Variants in CORO1C observed in about 807,000 individuals in gnomAD.
CORO1C encodes the protein coronin-1C.
CORO1C carries 14 observed loss-of-function variants against 51.2 expected under a neutral mutation model. That is an observed-to-expected ratio of 0.27 (90% CI 0.18 to 0.43). The LOEUF (loss-of-function observed/expected upper bound fraction) is 0.43, where lower values mean the gene tolerates loss of function less well. CORO1C is among the 20% of genes least tolerant of loss of function. The pLI, the probability that CORO1C is intolerant of heterozygous loss-of-function variation, is 1.00. For missense variants in CORO1C, 417 were observed against 607.8 expected (o/e 0.69, Z 3.30); for synonymous variants, 181 against 210.5 (o/e 0.86, Z 1.21).
At chr12:108,652,447 T>C (rs201435259) in intron 7 of CORO1C, 30 bp from the exon 8 acceptor site, 38 of 1,598,244 alleles carry the variant, frequency 2.4e-5, no homozygotes, top group Non-Finnish European at 3.3e-5. Flanking sequence ...AGTCTGTGTC[T>C]GATTGTTAAC....
Position 108,701,274 on chromosome 12 carries a change from C to T in CORO1C, c.45G>A (p.Gly15=), listed in dbSNP as rs2034860804. The change falls in exon 2 of 11, where the codon GGG becomes GGA. Residue 15 remains glycine (G), a synonymous_variant. Coordinates refer to ENST00000261401, the MANE Select transcript of CORO1C (RefSeq NM_014325.4). ...AGCACTGGTCATTTTTCACCGCTTG[C>T]CCAAATACATGCCGAAACTTGCTCT... The part of the protein sequence containing the change: ...VRQSKFRHVF[G]QAVKNDQCYD... 1 of 1,614,042 alleles carries T rather than the reference C, an allele frequency of 6.2e-7. No individual in the cohort carries two copies. The highest frequency in any genetic ancestry group is 1.3e-5 in the African/African-American group (1 of 74,912).
At chr12:108,728,545 G>A (rs946296438) in intron 1 of CORO1C, among the ~76,000 whole-genome samples, 51 of 152,098 alleles carry the variant, frequency 3.4e-4, no homozygotes, top group African/African-American at 1.2e-3. Context: ...ACAACTCTGT[G>A]AATATACCAA....
At chr12:108,668,974 G>A (rs1486900413) in intron 3 of CORO1C, among the ~76,000 whole-genome samples, 2 of 152,194 alleles carry the variant, frequency 1.3e-5, no homozygotes. Flanking sequence ...CCAAAACTCT[G>A]CAAAGCTAGG....
chr12:108,698,522 T>TCAG (rs1240196268), intron 2 of CORO1C, among the ~76,000 whole-genome samples: 3 of 152,252 alleles, frequency 2.0e-5, no homozygotes, highest in Non-Finnish European at 4.4e-5. Context: ...TTCTCCTGCC[T>TCAG]CAGCCTCCTG....
chr12:108,697,440 C>G (rs1276670803), intron 2 of CORO1C, among the ~76,000 whole-genome samples: 1 of 152,206 alleles, frequency 6.6e-6, no homozygotes, highest in Non-Finnish European at 1.5e-5. Context: ...TGGAGCCTAA[C>G]ACACATCTAA....
At chr12:108,699,118 C>T (rs548810881) in intron 2 of CORO1C, among the ~76,000 whole-genome samples, 1 of 152,318 alleles carries the variant, frequency 6.6e-6, no homozygotes, top group East Asian at 1.9e-4. Flanking sequence ...CTAAACATGA[C>T]AATTTGTAAA....
At chr12:108,688,389 G>T (rs1348168894) in intron 2 of CORO1C, among the ~76,000 whole-genome samples, 1 of 152,196 alleles carries the variant, frequency 6.6e-6, no homozygotes, top group Non-Finnish European at 1.5e-5. Context: ...GTGCTGGGGT[G>T]TGTTTTTAAA....
chr12:108,682,729 ATACAT>A (rs2034166951), intron 2 of CORO1C, among the ~76,000 whole-genome samples: 1 of 152,202 alleles, frequency 6.6e-6, no homozygotes, highest in South Asian at 2.1e-4. Context: ...TTTTTCAAAC[ATACAT>A]TAAACATTAA....
In CORO1C at chr12:108,652,302, C is replaced by G; in HGVS notation, c.971G>C (p.Gly324Ala). ...AATCTCACATTTGTTAACATCAAGTCCCCTCTTGGGCATGTAACCCATCCC... is the reference window on the plus strand; with the variant it reads ...AATCTCACATTTGTTAACATCAAGTGCCCTCTTGGGCATGTAACCCATCCC... The part of the protein sequence containing the change: ...QRGMGYMPKR[G>A]LDVNKCEIAR... The change falls in exon 8 of 11, where the codon GGA becomes GCA. Residue 324 changes from glycine (G) to alanine (A), a missense_variant. By Grantham distance (60) the Gly-to-Ala change is moderately conservative. Transcript: ENST00000261401. 1 of 1,613,982 alleles carries G rather than the reference C, an allele frequency of 6.2e-7. No homozygotes were observed. The highest frequency in any genetic ancestry group is 1.6e-4 in the Middle Eastern group (1 of 6,062).
intron 2 of CORO1C, among the ~76,000 whole-genome samples, chr12:108,693,794 A>G (rs1411961029): frequency 6.6e-6 from 1 of 152,152 alleles, no homozygotes; most frequent in Non-Finnish European, 1.5e-5. Context: ...TAACAGTTTA[A>G]AAGTTGGGTT....
chr12:108,697,393 G>C (rs887924282), intron 2 of CORO1C, among the ~76,000 whole-genome samples: 1 of 152,172 alleles, frequency 6.6e-6, no homozygotes, highest in Non-Finnish European at 1.5e-5. Flanking sequence ...TTTAAGGTTC[G>C]TGTTTAAAAT....
intron 1 of CORO1C, chr12:108,702,867 C>T: frequency 6.5e-7 from 1 of 1,535,704 alleles, no homozygotes; most frequent in Non-Finnish European, 8.7e-7. Context: ...AGTAAGAGAC[C>T]CTTGGCAGGC....
At chr12:108,698,767 G>A (rs981145645) in intron 2 of CORO1C, among the ~76,000 whole-genome samples, 1 of 152,206 alleles carries the variant, frequency 6.6e-6, no homozygotes, top group Non-Finnish European at 1.5e-5. Flanking sequence ...GGAGCGGAAG[G>A]ATAAAGAGAC....
At chr12:108,684,970 A>C (rs1389770846) in intron 2 of CORO1C, among the ~76,000 whole-genome samples, 2 of 152,156 alleles carry the variant, frequency 1.3e-5, no homozygotes, top group African/African-American at 4.8e-5. Context: ...AGGAAACCAC[A>C]TTTGGCATCC....
chr12:108,683,808 G>GT (rs2034207008), intron 2 of CORO1C, among the ~76,000 whole-genome samples: 4 of 150,176 alleles, frequency 2.7e-5, no homozygotes, highest in African/African-American at 7.3e-5. Context: ...GGTTTTACAG[G>GT]TGAGTGTCAC....
intron 8 of CORO1C, among the ~76,000 whole-genome samples, chr12:108,651,247 T>A (rs2032637718): frequency 6.6e-6 from 1 of 152,238 alleles, no homozygotes; most frequent in African/African-American, 2.4e-5. Flanking sequence ...AAAGTCCACA[T>A]AAACACAGTG....
chr12:108,677,752 GAA>G (rs1166561306), intron 3 of CORO1C, among the ~76,000 whole-genome samples: 1 of 152,138 alleles, frequency 6.6e-6, no homozygotes, highest in Non-Finnish European at 1.5e-5. Context: ...CACACTCACA[GAA>G]AAGACTGTAA....
intron 2 of CORO1C, among the ~76,000 whole-genome samples, chr12:108,679,599 T>C (rs998365159): frequency 2.0e-5 from 3 of 152,256 alleles, no homozygotes; most frequent in African/African-American, 7.2e-5. Context: ...TTTTGTTGTT[T>C]TTGCTCTTAT....
At chr12:108,691,214 T>C (rs1309387221) in intron 2 of CORO1C, among the ~76,000 whole-genome samples, 1 of 152,136 alleles carries the variant, frequency 6.6e-6, no homozygotes, top group African/African-American at 2.4e-5. Context: ...TCACCGTTCC[T>C]CCAAGAAAGC....
Sources: gnomAD v4.1 joint callset for allele counts (sites outside exome capture counted in the v4.1 genomes callset) on GRCh38, gnomAD v4.1.1 for gene constraint, MANE v1.5 for transcripts, NCBI Gene and HGNC (gene_info 2026-07-23, HGNC 2026-07-21) for gene names.